Variants in UMAD1 observed in about 807,000 individuals in gnomAD.
UMAD1 encodes the protein UBAP1-MVB12-associated (UMA) domain containing 1.
In UMAD1, 8 loss-of-function variants were observed where a neutral mutation model predicts 6.1. The observed-to-expected ratio is 1.30, with a 90% CI of 0.76 to 2.35. The LOEUF (loss-of-function observed/expected upper bound fraction) is 2.35. UMAD1 is among the 30% of genes most tolerant of loss of function. The pLI, the probability that UMAD1 is intolerant of heterozygous loss-of-function variation, is 0.00. For synonymous variants in UMAD1, 56 were observed against 31.4 expected (o/e 1.78, Z -2.61); for missense variants, 130 against 78.4 (o/e 1.66, Z -2.49).
intron 3 of UMAD1, among the ~76,000 whole-genome samples, chr7:7,872,167 G>A (rs895657700): frequency 6.6e-6 from 1 of 152,140 alleles, no homozygotes; most frequent in Non-Finnish European, 1.5e-5. Context: ...GGCATACCTC[G>A]AAGATATTTC....
intron 2 of UMAD1, among the ~76,000 whole-genome samples, chr7:7,693,514 G>A (rs1780231232): frequency 2.6e-5 from 4 of 152,012 alleles, no homozygotes; most frequent in South Asian, 2.1e-4. Flanking sequence ...CCTGGATGTC[G>A]ATAGTTCTTT....
At chr7:7,712,886 A>G (rs746917386) in intron 2 of UMAD1, among the ~76,000 whole-genome samples, 6 of 152,180 alleles carry the variant, frequency 3.9e-5, no homozygotes, top group Non-Finnish European at 8.8e-5. Context: ...TAGAATTGGT[A>G]TAAGATTTGA....
chr7:7,642,183 G>A (rs1249416787), intron 1 of UMAD1, among the ~76,000 whole-genome samples: 1 of 152,124 alleles, frequency 6.6e-6, no homozygotes, highest in East Asian at 1.9e-4. Context: ...CACCCAGACT[G>A]GAGTGCAGTA....
intron 3 of UMAD1, among the ~76,000 whole-genome samples, chr7:7,810,966 G>T (rs1353403022): frequency 6.6e-6 from 1 of 152,196 alleles, no homozygotes; most frequent in Non-Finnish European, 1.5e-5. Context: ...AGGGAGAAGA[G>T]TGAGGTGATT....
intron 2 of UMAD1, among the ~76,000 whole-genome samples, chr7:7,677,934 A>C (rs1189388639): frequency 6.6e-6 from 1 of 151,600 alleles, no homozygotes; most frequent in Non-Finnish European, 1.5e-5. Context: ...CGGCCTCCCA[A>C]AGTGCTGGGA....
rs770679624 is a variant in UMAD1, at chr7:7,673,367, C to CAGCAGCAGT, written c.-1_1insGCAGTAGCA. 89 of 1,105,528 alleles carry CAGCAGCAGT rather than the reference C, an allele frequency of 8.1e-5. No homozygotes were observed. The South Asian group carries it at 1.2e-3, about 14-fold the overall frequency. 68.5% of individuals were successfully genotyped at this position (1,105,528 alleles called of 1,614,324 possible). A position where few individuals can be genotyped will look rare whatever the true frequency, so the allele number is the denominator to read the frequency against. ...GCAGCAGCAGCAGCAGCAGCAGCAG[C>CAGCAGCAGT]AGCAATGTTTCACTTCTTCAGAAAG... is the stretch of plus-strand genomic sequence containing the variant. On this transcript the variant is annotated 5_prime_UTR_variant, in exon 2 of 4. Coordinates refer to ENST00000682710, the MANE Select transcript of UMAD1 (RefSeq NM_001302348.2).
intron 3 of UMAD1, among the ~76,000 whole-genome samples, chr7:7,845,299 AT>A (rs1783762477): frequency 6.6e-6 from 1 of 152,018 alleles, no homozygotes; most frequent in African/African-American, 2.4e-5. Flanking sequence ...CTACTGGGAA[AT>A]TTTAAATTAC....
intron 3 of UMAD1, among the ~76,000 whole-genome samples, chr7:7,874,097 T>G (rs1223871888): frequency 1.3e-5 from 2 of 152,204 alleles, no homozygotes; most frequent in Non-Finnish European, 2.9e-5. Flanking sequence ...TAATTGGTGA[T>G]TCCATGTGTC....
chr7:7,867,268 C>T (rs1024924728), intron 3 of UMAD1, among the ~76,000 whole-genome samples: 1 of 152,116 alleles, frequency 6.6e-6, no homozygotes, highest in Non-Finnish European at 1.5e-5. Context: ...AGAGAGAAAT[C>T]CGAGTTTGAG....
chr7:7,804,337 A>T (rs140274451), intron 3 of UMAD1, among the ~76,000 whole-genome samples: 153 of 152,362 alleles, frequency 1.0e-3, no homozygotes, highest in African/African-American at 3.6e-3. Flanking sequence ...TTACCTTGAC[A>T]GTAAGCATCT....
chr7:7,861,437 A>G (rs1402972432), intron 3 of UMAD1, among the ~76,000 whole-genome samples: 1 of 152,192 alleles, frequency 6.6e-6, no homozygotes, highest in Non-Finnish European at 1.5e-5. Flanking sequence ...TTGAAATATA[A>G]CCTTTTGCAA....
At chr7:7,728,971 A>G (rs1781195537) in intron 2 of UMAD1, among the ~76,000 whole-genome samples, 2 of 152,214 alleles carry the variant, frequency 1.3e-5, no homozygotes, top group Admixed American at 6.5e-5. Flanking sequence ...ATATACGACA[A>G]CCTAAATAAG....
In UMAD1 at chr7:7,703,890, C is replaced by A. The variant is rs1398061555; in HGVS notation, c.82+30437C>A. Among the ~76,000 whole-genome samples the A allele has an allele frequency of 2.0e-5, 3 of 152,098 alleles. No individual in the cohort carries two copies. The South Asian group carries it at 6.2e-4, about 32-fold the overall frequency. ...CTGGGAGGTTGAGGTTGCAGTGAGC[C>A]ATGACTGTGTCACTGCAGTGAAGCC... is the stretch of plus-strand genomic sequence containing the variant. On this transcript the variant is annotated intron_variant, in intron 2 of 3. Coordinates refer to ENST00000682710, the MANE Select transcript of UMAD1 (RefSeq NM_001302348.2).
At chr7:7,826,698 C>G (rs903108474) in intron 3 of UMAD1, among the ~76,000 whole-genome samples, 2 of 152,136 alleles carry the variant, frequency 1.3e-5, no homozygotes, top group Non-Finnish European at 2.9e-5. Flanking sequence ...ACCCACCCCC[C>G]TTTAAGTAAT....
intron 3 of UMAD1, among the ~76,000 whole-genome samples, chr7:7,826,975 GC>G (rs1222845516): frequency 6.6e-6 from 1 of 151,926 alleles, no homozygotes; most frequent in Non-Finnish European, 1.5e-5. Flanking sequence ...TCCATAAGAT[GC>G]AGTTACTTTA....
At chr7:7,861,648 A>G (rs1784117267) in intron 3 of UMAD1, among the ~76,000 whole-genome samples, 1 of 152,230 alleles carries the variant, frequency 6.6e-6, no homozygotes, top group African/African-American at 2.4e-5. Context: ...TCATCTGTAT[A>G]TGAAAACACA....
chr7:7,650,663 G>T (rs1389063691), intron 1 of UMAD1, among the ~76,000 whole-genome samples: 1 of 152,212 alleles, frequency 6.6e-6, no homozygotes, highest in African/African-American at 2.4e-5. Flanking sequence ...CAAAGTTTAA[G>T]CTGGTTAAAG....
chr7:7,854,878 C>A (rs1001967549), intron 3 of UMAD1, among the ~76,000 whole-genome samples: 1 of 152,172 alleles, frequency 6.6e-6, no homozygotes, highest in Admixed American at 6.5e-5. Flanking sequence ...TAGTTGCTTC[C>A]TAGATACAAT....
chr7:7,849,417 A>T (rs1215326167), intron 3 of UMAD1, among the ~76,000 whole-genome samples: 2 of 152,148 alleles, frequency 1.3e-5, no homozygotes, highest in Non-Finnish European at 2.9e-5. Context: ...TTCACTATAA[A>T]AGTAGTTGTA....
Sources: allele counts gnomAD v4.1 joint callset (sites outside exome capture counted in the v4.1 genomes callset), GRCh38; gene constraint gnomAD v4.1.1; transcripts MANE v1.5; gene names NCBI Gene and HGNC (gene_info 2026-07-23, HGNC 2026-07-21).